The following TUSC3 variants were observed in gnomAD, a reference collection of about 807,000 sequenced individuals.
The protein encoded by TUSC3 is tumor suppressor candidate 3.
TUSC3 carries 45 observed loss-of-function variants against 44.8 expected under a neutral mutation model. The observed-to-expected ratio is 1.00, with a 90% CI of 0.79 to 1.29. TUSC3 has a LOEUF of 1.29. Among genes scored for constraint, TUSC3 ranks in the 50% most tolerant of loss-of-function variants. The pLI, the probability that TUSC3 is intolerant of heterozygous loss-of-function variation, is 0.00. For synonymous variants in TUSC3, 212 were observed against 152.9 expected (o/e 1.39, Z -2.85); for missense variants, 519 against 437.9 (o/e 1.19, Z -1.65).
At chr8:15,758,010 ATT>A (rs1368610304) in intron 10 of TUSC3, 155 bp downstream of exon 10, 4 of 1,434,150 alleles carry the variant, frequency 2.8e-6, no homozygotes, top group Middle Eastern at 2.3e-4. Context: ...GTCTTACATT[ATT>A]ATGTTTATCT....
intron 6 of TUSC3, among the ~76,000 whole-genome samples, chr8:15,706,380 G>C (rs1050437806): frequency 6.6e-6 from 1 of 151,964 alleles, no homozygotes; most frequent in South Asian, 2.1e-4. Context: ...CTCAGGAAAT[G>C]AAAGAAAGAT....
At chr8:15,794,237 A>T in the TUSC3 span, among the ~76,000 whole-genome samples, 1 of 152,098 alleles carries the variant, frequency 6.6e-6, no homozygotes, top group African/African-American at 2.4e-5. Flanking sequence ...ACTCTGACTC[A>T]TCCCGTTTTT....
chr8:15,778,973 C>T, the TUSC3 span, among the ~76,000 whole-genome samples: 1 of 152,204 alleles, frequency 6.6e-6, no homozygotes, highest in East Asian at 1.9e-4. Context: ...ACAATAATAT[C>T]ACTTCTACAC....
In TUSC3 at chr8:15,512,611, A is replaced by G. The variant is rs547318533; in HGVS notation, n.189+29128A>G. ...AACATGGGAAAACCCCGTCTCTACT[A>G]AAAATACAAAAATTAGCTTGGCATG... is the stretch of plus-strand genomic sequence containing the variant. On this transcript the variant is annotated intron_variant and non_coding_transcript_variant, in intron 2 of 5. Transcript: ENST00000503191. Among the ~76,000 whole-genome samples, 26 of 152,174 alleles carry G rather than the reference A, an allele frequency of 1.7e-4. 1 individual carries two copies. The South Asian group carries it at 5.0e-3, about 29-fold the overall frequency.
chr8:15,779,657 G>A, the TUSC3 span, among the ~76,000 whole-genome samples: 17 of 152,114 alleles, frequency 1.1e-4, no homozygotes, highest in East Asian at 1.2e-3. Context: ...CATATGCCTA[G>A]CATTTGATTA....
At chr8:15,683,918 T>G (rs1175735717) in intron 6 of TUSC3, among the ~76,000 whole-genome samples, 1 of 152,122 alleles carries the variant, frequency 6.6e-6, no homozygotes, top group Non-Finnish European at 1.5e-5. Flanking sequence ...ATGGTTTCTT[T>G]GGTTGTAAAT....
chr8:15,757,603 A>G (rs1811979470), intron 9 of TUSC3, among the ~76,000 whole-genome samples, 188 bp from the exon 10 acceptor site: 1 of 152,158 alleles, frequency 6.6e-6, no homozygotes, highest in African/African-American at 2.4e-5. Flanking sequence ...ATGACTTATA[A>G]AGGTCCAAGG....
chr8:15,802,859 G>T, the TUSC3 span, among the ~76,000 whole-genome samples: 965 of 151,704 alleles, frequency 6.4e-3, 9 homozygotes, highest in Non-Finnish European at 8.7e-3. Context: ...CACTAACTGC[G>T]TTCATACTCG....
chr8:15,553,882 T>C (rs1460109579), intron 1 of TUSC3, among the ~76,000 whole-genome samples: 3 of 151,728 alleles, frequency 2.0e-5, no homozygotes, highest in East Asian at 2.0e-4. Context: ...TATGGAAATA[T>C]GGTAGTTGTT....
chr8:15,810,267 C>A, the TUSC3 span, among the ~76,000 whole-genome samples: 3 of 152,194 alleles, frequency 2.0e-5, no homozygotes, highest in Non-Finnish European at 4.4e-5. Flanking sequence ...GCTAAAGAAC[C>A]CCTGGCTTAG....
chr8:15,830,787 GA>G, the TUSC3 span, among the ~76,000 whole-genome samples: 2 of 152,124 alleles, frequency 1.3e-5, no homozygotes, highest in African/African-American at 4.8e-5. Flanking sequence ...GATCAGGGTT[GA>G]AAAATTATTG....
At chr8:15,475,221 A>AT (rs76380087) in intron 1 of TUSC3, among the ~76,000 whole-genome samples, 19,548 of 151,974 alleles carry the variant, frequency 0.13, 1,730 homozygotes, top group East Asian at 0.35. Flanking sequence ...TATTAAATCC[A>AT]TTTTTTTGAT....
intron 1 of TUSC3, among the ~76,000 whole-genome samples, chr8:15,451,379 GC>G (rs1800195637): frequency 6.6e-6 from 1 of 152,100 alleles, no homozygotes; most frequent in Non-Finnish European, 1.5e-5. Context: ...GGAACTTTCA[GC>G]CCCCTGACCT....
intron 10 of TUSC3, chr8:15,758,097 A>C (rs910328765): frequency 1.4e-5 from 18 of 1,281,024 alleles, no homozygotes; most frequent in Admixed American, 1.4e-4. Context: ...TGACAGATGC[A>C]ATGCTTCCAC....
chr8:15,697,726 C>G (rs1809231307), intron 6 of TUSC3, among the ~76,000 whole-genome samples: 1 of 152,118 alleles, frequency 6.6e-6, no homozygotes, highest in South Asian at 2.1e-4. Context: ...CTGTGTTTTC[C>G]TATGTATTTG....
the TUSC3 span, among the ~76,000 whole-genome samples, chr8:15,823,914 G>T: frequency 1.3e-5 from 2 of 152,192 alleles, no homozygotes; most frequent in Admixed American, 1.3e-4. Flanking sequence ...CTAACGGATA[G>T]TATGATCTGA....
At chr8:15,488,632 G>A (rs1202532101) in intron 2 of TUSC3, among the ~76,000 whole-genome samples, 1 of 152,138 alleles carries the variant, frequency 6.6e-6, no homozygotes, top group East Asian at 1.9e-4. Flanking sequence ...ATTAGTTTTA[G>A]ATGACGTCAT....
At chr8:15,512,579 C>A (rs2129128317) in intron 2 of TUSC3, among the ~76,000 whole-genome samples, 1 of 152,186 alleles carries the variant, frequency 6.6e-6, no homozygotes, top group African/African-American at 2.4e-5. Context: ...TTGAGACCAG[C>A]CTGGGCAACA....
intron 1 of TUSC3, among the ~76,000 whole-genome samples, chr8:15,609,259 A>T (rs1374940993): frequency 6.6e-6 from 1 of 152,178 alleles, no homozygotes; most frequent in South Asian, 2.1e-4. Flanking sequence ...ATTAATAGTG[A>T]AGAGTTACAC....
Sources: allele counts gnomAD v4.1 joint callset (sites outside exome capture counted in the v4.1 genomes callset), GRCh38; gene constraint gnomAD v4.1.1; transcripts MANE v1.5; gene names NCBI Gene and HGNC (gene_info 2026-07-23, HGNC 2026-07-21).